ENTREP2: variants seen among roughly 807,000 people sequenced by gnomAD.
ENTREP2 encodes the protein protein ENTREP2.
At chr15:29,457,480 G>A in the ENTREP2 span, among the ~76,000 whole-genome samples, 1 of 152,200 alleles carries the variant, frequency 6.6e-6, no homozygotes, top group Non-Finnish European at 1.5e-5. Context: ...TGTGCAGGAA[G>A]GCAGGCCCTG....
chr15:29,286,462 G>T, the ENTREP2 span, among the ~76,000 whole-genome samples: 1 of 152,160 alleles, frequency 6.6e-6, no homozygotes, highest in Non-Finnish European at 1.5e-5. Flanking sequence ...ATGCCCTTTT[G>T]TACCAAAATG....
the ENTREP2 span, among the ~76,000 whole-genome samples, chr15:29,308,382 A>G: frequency 6.6e-6 from 1 of 152,172 alleles, no homozygotes; most frequent in Non-Finnish European, 1.5e-5. Flanking sequence ...AAAAAAAAGA[A>G]AAAAGGAAAG....
At chr15:29,369,763 A>G in the ENTREP2 span, among the ~76,000 whole-genome samples, 1 of 152,258 alleles carries the variant, frequency 6.6e-6, no homozygotes, top group Non-Finnish European at 1.5e-5. Flanking sequence ...TTAATTGCCA[A>G]TGCAACAGTG....
At chr15:29,508,741 G>A in the ENTREP2 span, among the ~76,000 whole-genome samples, 1 of 152,284 alleles carries the variant, frequency 6.6e-6, no homozygotes, top group South Asian at 2.1e-4. Flanking sequence ...AGGTATTGAT[G>A]GAACATATCT....
At chr15:29,200,373 G>T in the ENTREP2 span, among the ~76,000 whole-genome samples, 1 of 152,006 alleles carries the variant, frequency 6.6e-6, no homozygotes, top group Non-Finnish European at 1.5e-5. Context: ...ACAAGGTTTT[G>T]CCATGTTGGC....
At chr15:29,330,324 G>A in the ENTREP2 span, among the ~76,000 whole-genome samples, 26 of 151,824 alleles carry the variant, frequency 1.7e-4, no homozygotes, top group African/African-American at 4.8e-4. Context: ...TGGCATGAGC[G>A]TGTAGTCCCA....
the ENTREP2 span, among the ~76,000 whole-genome samples, chr15:29,281,101 T>C: frequency 1.3e-5 from 2 of 152,168 alleles, no homozygotes; most frequent in African/African-American, 4.8e-5. Flanking sequence ...TAATTCAACA[T>C]GGTTATTATT....
the ENTREP2 span, among the ~76,000 whole-genome samples, chr15:29,178,293 TAAA>T: frequency 4.5e-5 from 5 of 111,356 alleles, no homozygotes; most frequent in Non-Finnish European, 5.6e-5. Flanking sequence ...GAACCTGTCT[TAAA>T]AAAAAAAAAA....
At chr15:29,210,236 T>A in the ENTREP2 span, among the ~76,000 whole-genome samples, 1 of 152,298 alleles carries the variant, frequency 6.6e-6, no homozygotes, top group Admixed American at 6.5e-5. Flanking sequence ...GGTAAGGTAC[T>A]AGACAACTGG....
At chr15:29,168,390 A>G in the ENTREP2 span, among the ~76,000 whole-genome samples, 1 of 152,240 alleles carries the variant, frequency 6.6e-6, no homozygotes, top group Non-Finnish European at 1.5e-5. Context: ...AAAGTAATGC[A>G]GAGAAAGACT....
At chr15:29,240,677 A>G in the ENTREP2 span, among the ~76,000 whole-genome samples, 1 of 152,194 alleles carries the variant, frequency 6.6e-6, no homozygotes, top group Non-Finnish European at 1.5e-5. Flanking sequence ...GTATTCTGCT[A>G]TAGCAGCACA....
At chr15:29,240,376 AAAAG>A in the ENTREP2 span, among the ~76,000 whole-genome samples, 3 of 152,004 alleles carry the variant, frequency 2.0e-5, no homozygotes, top group Non-Finnish European at 4.4e-5. Context: ...AAAAAAAAAA[AAAAG>A]AAAGAAAGAA....
chr15:29,669,219 CAAAACA>C, the ENTREP2 span, among the ~76,000 whole-genome samples: 4 of 152,066 alleles, frequency 2.6e-5, no homozygotes, highest in Non-Finnish European at 5.9e-5. Context: ...AAAAACAAAT[CAAAACA>C]AAAACAAAAA....
At chr15:29,136,257 A>G in the ENTREP2 span, 1 of 1,245,268 alleles carries the variant, frequency 8.0e-7, no homozygotes. Context: ...TGTTCACCTC[A>G]CAGCCAGCTC....
chr15:29,485,191 A>G, the ENTREP2 span, among the ~76,000 whole-genome samples: 1 of 152,204 alleles, frequency 6.6e-6, no homozygotes, highest in Admixed American at 6.5e-5. Flanking sequence ...GTTCGCAGCA[A>G]CCAAGCAAAA....
the ENTREP2 span, chr15:29,123,080 A>C: frequency 1.1e-5 from 5 of 464,512 alleles, no homozygotes; most frequent in African/African-American, 9.6e-5. Flanking sequence ...CAGAGAGTTC[A>C]CTGTGGACGT....
chr15:29,624,721 G>A, the ENTREP2 span, among the ~76,000 whole-genome samples: 6 of 152,150 alleles, frequency 3.9e-5, no homozygotes, highest in Admixed American at 6.5e-5. Flanking sequence ...AAGAAATAGA[G>A]TTTGTTGAGC....
At chr15:29,604,831 G>A in the ENTREP2 span, among the ~76,000 whole-genome samples, 2 of 152,176 alleles carry the variant, frequency 1.3e-5, no homozygotes, top group Admixed American at 6.5e-5. Flanking sequence ...GTGCTGTCCC[G>A]TGAAGATGAT....
chr15:29,452,998 C>T, the ENTREP2 span, among the ~76,000 whole-genome samples: 92 of 152,238 alleles, frequency 6.0e-4, no homozygotes, highest in African/African-American at 2.2e-3. Context: ...GGAGGCAGAG[C>T]CAAGTAACGA....
Sources: allele counts gnomAD v4.1 joint callset (sites outside exome capture counted in the v4.1 genomes callset), GRCh38; gene constraint gnomAD v4.1.1; transcripts MANE v1.5; gene names NCBI Gene and HGNC (gene_info 2026-07-23, HGNC 2026-07-21).